The following CADPS2 variants were observed in gnomAD, a reference collection of about 807,000 sequenced individuals.
CADPS2 encodes the protein calcium dependent secretion activator 2.
In CADPS2, 93 loss-of-function variants were observed where a neutral mutation model predicts 172.5. The observed-to-expected ratio is 0.54, with a 90% confidence interval of 0.46 to 0.64. The LOEUF (loss-of-function observed/expected upper bound fraction) is 0.64. Among genes scored for constraint, CADPS2 ranks in the 30% least tolerant of loss-of-function variants. The pLI is 0.00. For missense variants in CADPS2, 1,420 were observed against 1,565.9 expected (o/e 0.91, Z 1.57); for synonymous variants, 546 against 555.2 (o/e 0.98, Z 0.23).
At chr7:122,338,620 T>G (rs2150909044) in intron 28 of CADPS2, among the ~76,000 whole-genome samples, 1 of 152,290 alleles carries the variant, frequency 6.6e-6, no homozygotes, top group South Asian at 2.1e-4. Context: ...TATATAAAAA[T>G]AAGACCAAAG....
chr7:122,545,033 G>T (rs890297969), intron 8 of CADPS2, among the ~76,000 whole-genome samples: 1 of 152,226 alleles, frequency 6.6e-6, no homozygotes, highest in African/African-American at 2.4e-5. Flanking sequence ...GTAAAGAGAC[G>T]GAATAGGGAA....
chr7:122,583,832 CAT>C (rs1347195928), intron 6 of CADPS2, among the ~76,000 whole-genome samples: 1 of 150,494 alleles, frequency 6.6e-6, no homozygotes, highest in Non-Finnish European at 1.5e-5. Flanking sequence ...TATGTATATT[CAT>C]ATCATATACA....
At chr7:122,846,231 C>A (rs892951721) in intron 1 of CADPS2, among the ~76,000 whole-genome samples, 2 of 151,882 alleles carry the variant, frequency 1.3e-5, no homozygotes, top group African/African-American at 4.8e-5. Flanking sequence ...ATCTCTACTC[C>A]AAGGAATAAA....
At chr7:122,701,010 G>A (rs2085968610) in intron 2 of CADPS2, among the ~76,000 whole-genome samples, 1 of 152,134 alleles carries the variant, frequency 6.6e-6, no homozygotes, top group Non-Finnish European at 1.5e-5. Context: ...ATTAACCATG[G>A]AGAATCAGAG....
chr7:122,786,557 T>C (rs1365057588), intron 1 of CADPS2, among the ~76,000 whole-genome samples: 3 of 152,180 alleles, frequency 2.0e-5, no homozygotes, highest in African/African-American at 4.8e-5. Context: ...AAATTTAACA[T>C]TGAGTGTGTT....
At chr7:122,658,671 T>G (rs2080124996) in intron 3 of CADPS2, among the ~76,000 whole-genome samples, 1 of 151,924 alleles carries the variant, frequency 6.6e-6, no homozygotes, top group Admixed American at 6.6e-5. Flanking sequence ...CACTCATAGG[T>G]GGGAATTGAA....
chr7:122,831,893 C>T (rs972211034), intron 1 of CADPS2, among the ~76,000 whole-genome samples: 17 of 152,162 alleles, frequency 1.1e-4, no homozygotes, highest in Admixed American at 2.6e-4. Context: ...AGGGAAGCAC[C>T]AATCTAGAGA....
chr7:122,639,288 T>G (rs2077367489), intron 3 of CADPS2, among the ~76,000 whole-genome samples: 1 of 152,242 alleles, frequency 6.6e-6, no homozygotes, highest in Non-Finnish European at 1.5e-5. Flanking sequence ...CGACATAATT[T>G]ATTTAATTGG....
chr7:122,674,865 T>C (rs879527488), intron 2 of CADPS2, among the ~76,000 whole-genome samples: 3 of 152,204 alleles, frequency 2.0e-5, no homozygotes, highest in Non-Finnish European at 4.4e-5. Flanking sequence ...AAATAAAATA[T>C]TGTCTCATAA....
chr7:122,640,654 G>A (rs538458621), intron 3 of CADPS2, among the ~76,000 whole-genome samples: 11 of 152,186 alleles, frequency 7.2e-5, no homozygotes, highest in Admixed American at 2.6e-4. Context: ...ATTGTTGGCT[G>A]GGCGCGGTGG....
intron 1 of CADPS2, among the ~76,000 whole-genome samples, chr7:122,800,285 C>A (rs1346482675): frequency 6.6e-6 from 1 of 152,116 alleles, no homozygotes; most frequent in Non-Finnish European, 1.5e-5. Flanking sequence ...AATTTAACAT[C>A]TCCTTCAGAT....
intron 27 of CADPS2, among the ~76,000 whole-genome samples, chr7:122,356,106 T>C (rs1164420020): frequency 6.6e-6 from 1 of 152,184 alleles, no homozygotes; most frequent in Non-Finnish European, 1.5e-5. Flanking sequence ...CTTTATTCAG[T>C]TTCCCTTCGT....
At chr7:122,762,081 A>G (rs1453443977) in intron 1 of CADPS2, among the ~76,000 whole-genome samples, 1 of 150,624 alleles carries the variant, frequency 6.6e-6, no homozygotes, top group Non-Finnish European at 1.5e-5. Context: ...TGTATATATA[A>G]AAGTGTATAT....
intron 6 of CADPS2, among the ~76,000 whole-genome samples, chr7:122,611,660 A>T (rs2074305134): frequency 6.6e-6 from 1 of 152,056 alleles, no homozygotes; most frequent in South Asian, 2.1e-4. Context: ...CTTTTAAAAA[A>T]TACAAATTCT....
At chr7:122,565,379 A>C (rs2066325277) in intron 7 of CADPS2, among the ~76,000 whole-genome samples, 1 of 152,166 alleles carries the variant, frequency 6.6e-6, no homozygotes, top group Non-Finnish European at 1.5e-5. Flanking sequence ...AATCAAATAA[A>C]TTCAGAAAAG....
At chr7:122,393,134 G>T in intron 22 of CADPS2, 62 bp downstream of exon 22, 1 of 1,586,042 alleles carries the variant, frequency 6.3e-7, no homozygotes, top group Non-Finnish European at 8.6e-7. Context: ...CATCTGCGCA[G>T]AACACAGCCC....
At chr7:122,725,806 A>G (rs565394550) in intron 2 of CADPS2, among the ~76,000 whole-genome samples, 2 of 151,836 alleles carry the variant, frequency 1.3e-5, no homozygotes, top group East Asian at 1.9e-4. Flanking sequence ...CCTCACATGT[A>G]GGTTACAAAT....
At chr7:122,816,559 T>C (rs1004528047) in intron 1 of CADPS2, among the ~76,000 whole-genome samples, 2 of 152,222 alleles carry the variant, frequency 1.3e-5, no homozygotes, top group Admixed American at 6.5e-5. Context: ...AGCAGTGGAA[T>C]TGCTGGATCA....
intron 14 of CADPS2, among the ~76,000 whole-genome samples, chr7:122,452,283 G>GA (rs34074704): frequency 3.3e-5 from 5 of 151,924 alleles, no homozygotes; most frequent in Admixed American, 6.5e-5. Flanking sequence ...AGTGCAGAGG[G>GA]AAAAAAAGTA....
Sources: allele counts gnomAD v4.1 joint callset (sites outside exome capture counted in the v4.1 genomes callset), GRCh38; gene constraint gnomAD v4.1.1; transcripts MANE v1.5; gene names NCBI Gene and HGNC (gene_info 2026-07-23, HGNC 2026-07-21).